The following EYS variants were observed in gnomAD, a reference collection of about 807,000 sequenced individuals.
EYS encodes EGF-like photoreceptor maintenance factor.
In EYS, 250 loss-of-function variants were observed where a neutral mutation model predicts 282.1. The observed-to-expected ratio is 0.89, with a 90% CI of 0.80 to 0.98. The LOEUF is 0.98. Among genes scored for constraint, EYS ranks in the 50% least tolerant of loss-of-function variants. EYS has a pLI of 0.00. For synonymous variants in EYS, 1,355 were observed against 1,282.9 expected, an observed-to-expected ratio of 1.06 and a Z score of -1.20; for missense variants, 4,016 against 3,709.0, an observed-to-expected ratio of 1.08 and a Z score of -2.15.
chr6:64,239,898 T>C (rs1485583499), intron 30 of EYS, among the ~76,000 whole-genome samples: 2 of 152,226 alleles, frequency 1.3e-5, no homozygotes, highest in African/African-American at 4.8e-5. Flanking sequence ...GTCTTACATT[T>C]ACGTCTTTAA....
chr6:64,179,010 C>G (rs1764713466), intron 31 of EYS, among the ~76,000 whole-genome samples: 1 of 151,904 alleles, frequency 6.6e-6, no homozygotes, highest in African/African-American at 2.4e-5. Context: ...TTTAGAATTA[C>G]TAGACATCTC....
At chr6:63,958,924 A>G (rs1765937309) in intron 35 of EYS, among the ~76,000 whole-genome samples, 1 of 152,218 alleles carries the variant, frequency 6.6e-6, no homozygotes. Context: ...TGGACACTCA[A>G]GAGTTCTGAT....
chr6:64,315,314 C>G lies in EYS; in HGVS notation c.6079-8232G>C, dbSNP rs143000116. Among the ~76,000 whole-genome samples the G allele has an allele frequency of 2.9e-3, 448 of 152,278 alleles. 3 individuals are homozygous for G. Among genetic ancestry groups the G allele is most frequent in the African/African-American group, 0.01 (419 of 41,560 alleles). On this transcript the variant is annotated intron_variant, in intron 29 of 42. Coordinates refer to ENST00000503581, the MANE Select transcript of EYS (RefSeq NM_001142800.2). ...AAAAACGTCCAGGATCAGATGGATT[C>G]ACAGCCAAATTCTACCAGAGGTACA...
chr6:64,515,636 T>C (rs1177717281), intron 26 of EYS, among the ~76,000 whole-genome samples: 1 of 151,626 alleles, frequency 6.6e-6, no homozygotes, highest in African/African-American at 2.4e-5. Flanking sequence ...GAGATACATA[T>C]ATATATTTGT....
chr6:65,491,268 T>TACACACAC (rs775885592), intron 4 of EYS: 9 of 160,732 alleles, frequency 5.6e-5, no homozygotes, highest in South Asian at 1.1e-4. Flanking sequence ...ATATCAGTTA[T>TACACACAC]ATACACACAC....
At chr6:65,013,458 C>A (rs151154703) in intron 13 of EYS, among the ~76,000 whole-genome samples, 2 of 152,096 alleles carry the variant, frequency 1.3e-5, no homozygotes, top group Admixed American at 1.3e-4. Flanking sequence ...GCAAGTAAAT[C>A]GGTGCAATAA....
intron 33 of EYS, among the ~76,000 whole-genome samples, chr6:64,006,097 A>G (rs1768334752): frequency 6.6e-6 from 1 of 152,190 alleles, no homozygotes; most frequent in African/African-American, 2.4e-5. Flanking sequence ...CTTCTTAATC[A>G]TGAGCATTGG....
chr6:64,092,463 A>G (rs1328317340), intron 31 of EYS, among the ~76,000 whole-genome samples: 48 of 151,566 alleles, frequency 3.2e-4, no homozygotes, highest in East Asian at 3.9e-4. Flanking sequence ...GTGAGATGGT[A>G]TCTCATTGTG....
At position 64,613,143 on chromosome 6, in the gene EYS, A is replaced by G. The variant is rs565936890; in HGVS notation, c.3684+4275T>C. Among the ~76,000 whole-genome samples the G allele has an allele frequency of 5.9e-5, 9 of 152,272 alleles. No individual in the cohort carries two copies. In the South Asian group the frequency reaches 1.0e-3, roughly 18 times the overall value. On this transcript the variant is annotated intron_variant, in intron 24 of 42. Transcript: ENST00000503581. The stretch of plus-strand genomic sequence containing the variant: ...GGTGTAGTTAGAGTACACATGCAAG[A>G]CAATTTTTAATTTTTAATTTTTTAC...
chr6:63,917,082 T>C (rs1206546222), intron 35 of EYS, among the ~76,000 whole-genome samples: 1 of 152,240 alleles, frequency 6.6e-6, no homozygotes, highest in East Asian at 1.9e-4. Context: ...TTTTCAAAGA[T>C]ATTTGTGTTA....
chr6:65,022,382 C>G (rs960385525), intron 13 of EYS, among the ~76,000 whole-genome samples: 9 of 152,232 alleles, frequency 5.9e-5, no homozygotes, highest in South Asian at 4.1e-4. Context: ...ACAATAATAG[C>G]TGGTGTAGCA....
At chr6:64,477,358 C>G (rs1288791960) in intron 26 of EYS, among the ~76,000 whole-genome samples, 2 of 152,066 alleles carry the variant, frequency 1.3e-5, no homozygotes, top group Admixed American at 1.3e-4. Flanking sequence ...CTCCCCATCA[C>G]CTTGTAGTGT....
rs143819902 is a variant in EYS, at chr6:64,973,461, C to T, written c.2259+24121G>A. Among the ~76,000 whole-genome samples the T allele has an allele frequency of 2.4e-4, 37 of 152,002 alleles. 1 individual carries two copies. In the East Asian group the frequency reaches 2.5e-3, roughly 10 times the overall value. On this transcript the variant is annotated intron_variant, in intron 14 of 42. Transcript: ENST00000503581. ...AACAATAACACATAATTTAGCTTGG[C>T]GGGTTATGTGATTTTTTTATCACAC...
chr6:65,290,170 A>G (rs1768483985), intron 12 of EYS, among the ~76,000 whole-genome samples: 1 of 151,164 alleles, frequency 6.6e-6, no homozygotes, highest in African/African-American at 2.4e-5. Flanking sequence ...CTAAGGGTTA[A>G]CAAAACATCA....
At chr6:65,443,612 TAC>T (rs1768522080) in intron 5 of EYS, among the ~76,000 whole-genome samples, 2 of 150,940 alleles carry the variant, frequency 1.3e-5, no homozygotes, top group Admixed American at 1.3e-4. Context: ...TATACACATA[TAC>T]ACACATATAA....
At chr6:63,900,073 G>C (rs1773622779) in intron 35 of EYS, among the ~76,000 whole-genome samples, 1 of 152,004 alleles carries the variant, frequency 6.6e-6, no homozygotes, top group South Asian at 2.1e-4. Context: ...TAGAGCTACG[G>C]TTTGCTTTGT....
intron 12 of EYS, among the ~76,000 whole-genome samples, chr6:65,191,656 A>G (rs1456491194): frequency 1.3e-5 from 2 of 151,874 alleles, no homozygotes; most frequent in African/African-American, 2.4e-5. Context: ...GGAGAGAGAG[A>G]AAACTGTGAC....
intron 1 of EYS, among the ~76,000 whole-genome samples, chr6:65,649,879 TAGA>T: frequency 6.6e-6 from 1 of 152,124 alleles, no homozygotes. Flanking sequence ...TTAATTTACA[TAGA>T]AACATACAGA....
intron 5 of EYS, among the ~76,000 whole-genome samples, chr6:65,438,355 C>T (rs1768167649): frequency 6.6e-6 from 1 of 152,018 alleles, no homozygotes; most frequent in Admixed American, 6.6e-5. Context: ...GATTTATAAT[C>T]CTTTGGGTAT....
Sources: gnomAD v4.1 joint callset for allele counts (sites outside exome capture counted in the v4.1 genomes callset) on GRCh38, gnomAD v4.1.1 for gene constraint, MANE v1.5 for transcripts, NCBI Gene and HGNC (gene_info 2026-07-23, HGNC 2026-07-21) for gene names.